USP13: variants seen among roughly 807,000 people sequenced by gnomAD.
The protein encoded by USP13 is ubiquitin carboxyl-terminal hydrolase 13.
A neutral mutation model predicts 107.8 loss-of-function variants in USP13; 68 were observed. That is an observed-to-expected ratio of 0.63 (90% confidence interval 0.52 to 0.77). The LOEUF (loss-of-function observed/expected upper bound fraction) is 0.77. Among genes scored for constraint, USP13 ranks in the 30% least tolerant of loss-of-function variants. The probability of loss-of-function intolerance (pLI) is 0.00; values close to 1 mark genes in which losing one functional copy is unlikely to be tolerated. For synonymous variants in USP13, 377 were observed against 389.5 expected (o/e 0.97, Z 0.38); for missense variants, 945 against 1,093.3 (o/e 0.86, Z 1.91).
intron 18 of USP13, 33 bp from the exon 19 acceptor site, chr3:179,765,662 T>TTG (rs778052561): frequency 1.2e-4 from 194 of 1,610,436 alleles, no homozygotes; most frequent in Non-Finnish European, 1.6e-4. Context: ...GCTGCATGCA[T>TTG]TGTAAAAACA....
Position 179,688,099 on chromosome 3 carries a change from GTCCATCCA to G in USP13, c.295-2116_295-2109del, listed in dbSNP as rs763601246. Among the ~76,000 whole-genome samples, 63 of 140,644 alleles carry G rather than the reference GTCCATCCA, an allele frequency of 4.5e-4. No homozygotes were observed. The East Asian group carries it at 9.8e-3, about 22-fold the overall frequency. 92.3% of individuals were successfully genotyped at this position (140,644 alleles called of 152,430 possible). ...AGGATATCCATCCATCCATCCATCC[GTCCATCCA>G]TCCATCCATCCATCCATCCATCCAT... On this transcript the variant is annotated intron_variant, in intron 2 of 20. Transcript: ENST00000263966.
In USP13 at chr3:179,706,926, TC is replaced by T; in HGVS notation, c.478-7del. ...TTTTTATATATTACATCTGGGTTTG[TC>T]TTATAGGTAACAATTGCTTGTGATG... On this transcript the variant is annotated splice_region_variant and splice_polypyrimidine_tract_variant and intron_variant, in intron 4 of 20. Transcript: ENST00000263966. The T allele has an allele frequency of 6.2e-7, 1 of 1,611,640 alleles. No homozygotes were observed. Among genetic ancestry groups the T allele is most frequent in the Admixed American group, 1.7e-5 (1 of 59,382 alleles).
At chr3:179,749,470 G>A (rs1196953722) in intron 13 of USP13, among the ~76,000 whole-genome samples, 2 of 152,132 alleles carry the variant, frequency 1.3e-5, no homozygotes, top group African/African-American at 2.4e-5. Flanking sequence ...AGAATAAGCT[G>A]AGCATAATTT....
chr3:179,709,532 T>G (rs1358504041), intron 6 of USP13, among the ~76,000 whole-genome samples: 1 of 152,246 alleles, frequency 6.6e-6, no homozygotes, highest in Non-Finnish European at 1.5e-5. Context: ...CACTGTCAGC[T>G]TCAGAGTTGG....
At position 179,775,758 on chromosome 3, in the gene USP13, G is replaced by T. The variant is rs541248016; in HGVS notation, c.2414-5981G>T. On this transcript the variant is annotated intron_variant, in intron 19 of 20. Transcript: ENST00000263966. ...ACCCCCTCCACAGATGCTGGCCTGG[G>T]TGCAAAGCCCCTGACTGCTGAGCCC... 1.1e-3 allele frequency among the ~76,000 whole-genome samples: 169 copies of T among 152,340 alleles called. 2 individuals are homozygous for T. Among genetic ancestry groups the T allele is most frequent in the African/African-American group, 3.8e-3 (158 of 41,582 alleles).
At position 179,742,375 on chromosome 3, in the gene USP13, G is replaced by A. The variant is rs746574261; in HGVS notation, c.1534+25G>A. ...GGTAACAATTCCAAAGCGGGAAATTGGTACTGTGTGTCTTCATATGGGAAA... is the reference window on the plus strand; with the variant it reads ...GGTAACAATTCCAAAGCGGGAAATTAGTACTGTGTGTCTTCATATGGGAAA... On this transcript the variant is annotated intron_variant, in intron 12 of 20. Coordinates refer to ENST00000263966, the MANE Select transcript of USP13 (RefSeq NM_003940.3). The surrounding 1 kb of genome is among the most constrained non-coding windows in gnomAD (Gnocchi z 5.0). 2.5e-6 allele frequency: 4 copies of A among 1,613,350 alleles called. No individual in the cohort carries two copies. The South Asian group carries it at 4.4e-5, about 18-fold the overall frequency.
Position 179,742,373 on chromosome 3 carries a change from T to C in USP13, c.1534+23T>C. On this transcript the variant is annotated intron_variant, in intron 12 of 20. Coordinates refer to ENST00000263966, the MANE Select transcript of USP13 (RefSeq NM_003940.3). The surrounding 1 kb of genome is among the most constrained non-coding windows in gnomAD (Gnocchi z 5.0). The stretch of plus-strand genomic sequence containing the variant: ...AGGGTAACAATTCCAAAGCGGGAAA[T>C]TGGTACTGTGTGTCTTCATATGGGA... 6.2e-7 allele frequency: 1 copy of C among 1,613,764 alleles called. No homozygotes were observed. Among genetic ancestry groups the C allele is most frequent in the Non-Finnish European group, 8.5e-7 (1 of 1,179,796 alleles).
intron 20 of USP13, among the ~76,000 whole-genome samples, chr3:179,782,675 C>T (rs1715787247): frequency 1.3e-5 from 2 of 152,106 alleles, no homozygotes; most frequent in Admixed American, 6.6e-5. Flanking sequence ...CACCTGGACT[C>T]CATTGTGTTC....
chr3:179,676,177 G>C (rs767175426), intron 1 of USP13, among the ~76,000 whole-genome samples: 4 of 152,160 alleles, frequency 2.6e-5, no homozygotes, highest in Non-Finnish European at 4.4e-5. Flanking sequence ...CTTCCGCCAT[G>C]ATTTTGTTTC....
intron 18 of USP13, among the ~76,000 whole-genome samples, chr3:179,764,735 T>C (rs757929408): frequency 3.3e-5 from 5 of 152,174 alleles, no homozygotes; most frequent in African/African-American, 7.2e-5. Context: ...GCAGTGCTGA[T>C]ATCTGTTTAA....
chr3:179,756,367 C>T (rs1189694402), intron 15 of USP13, among the ~76,000 whole-genome samples: 2 of 151,932 alleles, frequency 1.3e-5, no homozygotes, highest in Admixed American at 1.3e-4. Flanking sequence ...GCCGAGATTG[C>T]GCCACTGCAT....
intron 8 of USP13, among the ~76,000 whole-genome samples, chr3:179,728,443 T>C (rs1247239570): frequency 7.3e-6 from 1 of 136,988 alleles, no homozygotes; most frequent in Non-Finnish European, 1.6e-5. Context: ...GAAGAGGCGC[T>C]CCTCACTTCC....
chr3:179,752,868 A>C (rs1261411854), intron 14 of USP13, among the ~76,000 whole-genome samples: 1 of 152,230 alleles, frequency 6.6e-6, no homozygotes, highest in Non-Finnish European at 1.5e-5. Flanking sequence ...GGTGTGGCTA[A>C]TGACATTCAC....
chr3:179,752,235 C>A, intron 13 of USP13, 50 bp from the exon 14 acceptor site: 2 of 1,536,924 alleles, frequency 1.3e-6, no homozygotes, highest in South Asian at 2.3e-5. Context: ...GAACTGTATT[C>A]ACAATTCTTA....
chr3:179,725,141 G>A (rs1713467020), intron 8 of USP13, among the ~76,000 whole-genome samples: 1 of 152,178 alleles, frequency 6.6e-6, no homozygotes, highest in Non-Finnish European at 1.5e-5. Context: ...GAAGTTGGGA[G>A]GCAGAGGTTG....
chr3:179,653,508 G>A lies in USP13; in HGVS notation c.168+115G>A. 1 of 1,411,314 alleles carries A rather than the reference G, an allele frequency of 7.1e-7. No individual in the cohort carries two copies. Among genetic ancestry groups the A allele is most frequent in the Non-Finnish European group, 9.5e-7 (1 of 1,050,112 alleles). 87.4% of individuals were successfully genotyped at this position (1,411,314 alleles called of 1,614,324 possible). A position where few individuals can be genotyped will look rare whatever the true frequency, so the allele number is the denominator to read the frequency against. ...CTCTTCTCTTCCTCCGGGCGGCAGA[G>A]TTGGCTCAGGAACACTGCAGTTCGG... On this transcript the variant is annotated intron_variant, in intron 1 of 20. Transcript: ENST00000263966. This position sits in a 1 kb window ranked among gnomAD's most constrained non-coding sequence, Gnocchi z 4.0.
intron 1 of USP13, among the ~76,000 whole-genome samples, chr3:179,676,797 CCT>C (rs1711502981): frequency 6.6e-6 from 1 of 152,170 alleles, no homozygotes; most frequent in African/African-American, 2.4e-5. Flanking sequence ...GCAGTGCCTC[CCT>C]GTCAGCACTG....
intron 19 of USP13, among the ~76,000 whole-genome samples, chr3:179,767,509 C>T (rs1715216938): frequency 6.6e-6 from 1 of 151,888 alleles, no homozygotes; most frequent in Admixed American, 6.6e-5. Flanking sequence ...ACTGCAACCT[C>T]CACCTCCCAG....
chr3:179,682,094 C>T, intron 2 of USP13, 91 bp downstream of exon 2: 1 of 1,468,368 alleles, frequency 6.8e-7, no homozygotes, highest in Non-Finnish European at 9.1e-7. Flanking sequence ...TGACCATGCC[C>T]ACATAACTTC....
Sources: gnomAD v4.1 joint callset for allele counts (sites outside exome capture counted in the v4.1 genomes callset) on GRCh38, gnomAD v4.1.1 for gene constraint, Gnocchi (gnomAD v3.1) non-coding constraint, MANE v1.5 for transcripts, NCBI Gene and HGNC (gene_info 2026-07-23, HGNC 2026-07-21) for gene names.